The following PKP2 variants were observed in gnomAD, a reference collection of about 807,000 sequenced individuals.
The protein encoded by PKP2 is plakophilin-2.
In PKP2, 73 loss-of-function variants were observed where a neutral mutation model predicts 83.4. That is an observed-to-expected ratio of 0.88 (90% CI 0.72 to 1.06). PKP2 has a LOEUF of 1.06. PKP2 is among the 50% of genes least tolerant of loss of function. The probability of loss-of-function intolerance (pLI) is 0.00; values close to 1 mark genes in which losing one functional copy is unlikely to be tolerated. For synonymous variants in PKP2, 409 were observed against 430.4 expected (o/e 0.95, Z 0.62); for missense variants, 966 against 1,065.4 (o/e 0.91, Z 1.30).
At chr12:32,895,919 C>G (rs373922883) in intron 1 of PKP2, among the ~76,000 whole-genome samples, 1 of 152,202 alleles carries the variant, frequency 6.6e-6, no homozygotes, top group African/African-American at 2.4e-5. Context: ...TGGACCAAAG[C>G]CTCCTAACTA....
At chr12:32,802,622 G>A (rs1956193268) in intron 9 of PKP2, 66 bp from the exon 10 acceptor site, 2 of 1,335,836 alleles carry the variant, frequency 1.5e-6, no homozygotes, top group South Asian at 1.2e-5. Flanking sequence ...TAAGTTTTCT[G>A]TAGATTACCA....
At position 32,878,322 on chromosome 12, in the gene PKP2, G is replaced by A. The variant is rs184522105; in HGVS notation, c.558C>T (p.Ala186=). 18 of 1,610,594 alleles carry A rather than the reference G, an allele frequency of 1.1e-5. No homozygotes were observed. The Admixed American group carries it at 1.7e-4, about 15-fold the overall frequency. The change falls in exon 3 of 13, where the codon GCC becomes GCT. Residue 186 remains alanine, a synonymous_variant. Coordinates refer to ENST00000340811, the MANE Select transcript of PKP2 (RefSeq NM_001005242.3). ...HTLHHQESRR[A]ALLVPPRYAR... ...CATATCTCGGTGGCACTAGGAGGGCGGCCCGCCTGCTTTCTTGGTGGTGCA... is the reference window on the plus strand; with the variant it reads ...CATATCTCGGTGGCACTAGGAGGGCAGCCCGCCTGCTTTCTTGGTGGTGCA...
At chr12:32,808,968 A>T (rs1383772520) in intron 9 of PKP2, among the ~76,000 whole-genome samples, 1 of 152,120 alleles carries the variant, frequency 6.6e-6, no homozygotes, top group Non-Finnish European at 1.5e-5. Flanking sequence ...AGGTTTCTGG[A>T]GACCCTTATT....
intron 9 of PKP2, among the ~76,000 whole-genome samples, chr12:32,805,267 G>A (rs891922736): frequency 4.6e-5 from 7 of 151,942 alleles, no homozygotes; most frequent in African/African-American, 1.7e-4. Context: ...TGTTCACTCT[G>A]ATGATAGTTT....
intron 3 of PKP2, among the ~76,000 whole-genome samples, chr12:32,875,062 T>C (rs151258575): frequency 5.2e-4 from 79 of 152,318 alleles, no homozygotes; most frequent in Middle Eastern, 6.8e-3. Context: ...CATATATTTA[T>C]ACAGTGCCTA....
intron 6 of PKP2, among the ~76,000 whole-genome samples, chr12:32,831,719 C>T (rs1232987355): frequency 6.6e-6 from 1 of 152,108 alleles, no homozygotes; most frequent in Admixed American, 6.5e-5. Flanking sequence ...AGAAGTGTTA[C>T]ATAATTTCTG....
rs1956953434 is a variant in PKP2, at chr12:32,878,301, T to A, written c.579A>T (p.Arg193Ser). Reference sequence around the variant, plus strand: ...CCCCCACGATCTCGGAACGAGCATATCTCGGTGGCACTAGGAGGGCGGCCC... The same window carrying A: ...CCCCCACGATCTCGGAACGAGCATAACTCGGTGGCACTAGGAGGGCGGCCC... ...SRRAALLVPPRYARSEIVGVS... is the reference protein window; with the variant it reads ...SRRAALLVPPSYARSEIVGVS... Residue 193 changes from arginine (R) to serine (S), a missense_variant, in exon 3 of 13, where the codon AGA (arginine) becomes AGT (serine). Physicochemically the swap from Arg to Ser is moderately radical, Grantham distance 110. Coordinates refer to ENST00000340811, the MANE Select transcript of PKP2 (RefSeq NM_001005242.3). 4.3e-6 allele frequency: 7 copies of A among 1,613,290 alleles called. No individual in the cohort carries two copies. The South Asian group carries it at 5.5e-5, about 13-fold the overall frequency.
At chr12:32,869,238 G>A (rs1321047776) in intron 3 of PKP2, among the ~76,000 whole-genome samples, 176 bp from the exon 4 acceptor site, 1 of 151,880 alleles carries the variant, frequency 6.6e-6, no homozygotes, top group Non-Finnish European at 1.5e-5. Context: ...AGGGACTACT[G>A]GATAGAAATT....
intron 6 of PKP2, among the ~76,000 whole-genome samples, chr12:32,838,342 GC>G (rs2137822825): frequency 6.6e-6 from 1 of 152,260 alleles, no homozygotes; most frequent in Admixed American, 6.5e-5. Flanking sequence ...GAGGGACAGA[GC>G]AGGAAAAAGG....
At chr12:32,890,507 G>C (rs918219100) in intron 1 of PKP2, among the ~76,000 whole-genome samples, 1 of 152,130 alleles carries the variant, frequency 6.6e-6, no homozygotes, top group African/African-American at 2.4e-5. Flanking sequence ...AATAGTAATG[G>C]CAGGTTGTGT....
At chr12:32,835,146 C>T (rs11052273) in intron 6 of PKP2, among the ~76,000 whole-genome samples, 85,103 of 150,880 alleles carry the variant, frequency 0.56, 25,544 homozygotes, top group Non-Finnish European at 0.68. Context: ...CTCTGCCTCC[C>T]GGGTTCAAGC....
chr12:32,864,345 C>T (rs1488190111), intron 4 of PKP2, among the ~76,000 whole-genome samples: 3 of 148,500 alleles, frequency 2.0e-5, no homozygotes, highest in Admixed American at 6.7e-5. Context: ...CACATACACA[C>T]GTAAATATAT....
At chr12:32,825,225 G>A (rs1221616488) in intron 6 of PKP2, among the ~76,000 whole-genome samples, 1 of 134,134 alleles carries the variant, frequency 7.5e-6, no homozygotes, top group Admixed American at 8.6e-5. Context: ...CTGGAGTGCA[G>A]TGGCGCGATC....
chr12:32,823,943 C>A lies in PKP2; in HGVS notation c.1674+102G>T. ...AAGGATGAATGGAAGATCTTAGGCT[C>A]AGTAAATGAATCAGTGAATAAACCT... On this transcript the variant is annotated intron_variant, in intron 7 of 12. Coordinates refer to ENST00000340811, the MANE Select transcript of PKP2 (RefSeq NM_001005242.3). 6.3e-6 allele frequency: 5 copies of A among 795,384 alleles called. No individual in the cohort carries two copies. In the South Asian group the frequency reaches 6.8e-5, roughly 11 times the overall value. The allele number at this position is 795,384 out of a possible 1,614,324, so 49.3% of individuals were successfully genotyped here.
In PKP2 at chr12:32,843,140, C is replaced by T. The variant is rs369387986; in HGVS notation, c.1379-1935G>A. On this transcript the variant is annotated intron_variant, in intron 5 of 12. Transcript: ENST00000340811. ...GATTACAGGCGCAGACCACGACACC[C>T]GGCTAATTTTTTTGTATTTTGAGTA... The T allele has an allele frequency of 5.3e-4, 232 of 436,338 alleles. No homozygotes were observed. The highest frequency in any genetic ancestry group is 4.3e-3 in the African/African-American group (212 of 49,692). 27.0% of individuals were successfully genotyped at this position (436,338 alleles called of 1,614,324 possible). A position where few individuals can be genotyped will look rare whatever the true frequency, so the allele number is the denominator to read the frequency against.
intron 1 of PKP2, chr12:32,894,621 C>T (rs771266433): frequency 3.9e-5 from 6 of 152,192 alleles, no homozygotes; most frequent in Admixed American, 2.0e-4. Context: ...ATTCCCTTTT[C>T]TTCTGTTCAT....
chr12:32,835,090 G>A (rs1319282987), intron 6 of PKP2, among the ~76,000 whole-genome samples: 1 of 146,950 alleles, frequency 6.8e-6, no homozygotes, highest in African/African-American at 2.5e-5. Flanking sequence ...GTCTTGCTCT[G>A]TTGCCCGGAC....
chr12:32,856,865 C>T (rs1445487049), intron 4 of PKP2, among the ~76,000 whole-genome samples: 4 of 152,336 alleles, frequency 2.6e-5, no homozygotes, highest in African/African-American at 9.6e-5. Flanking sequence ...GGAGTTATTG[C>T]CTTGTGGCAG....
chr12:32,837,513 A>G lies in PKP2; in HGVS notation c.1556+3515T>C, dbSNP rs140545163. 4.3e-3 allele frequency among the ~76,000 whole-genome samples: 657 copies of G among 152,336 alleles called. 5 individuals are homozygous for G. The highest frequency in any genetic ancestry group is 0.015 in the African/African-American group (624 of 41,580). On this transcript the variant is annotated intron_variant, in intron 6 of 12. Coordinates refer to ENST00000340811, the MANE Select transcript of PKP2 (RefSeq NM_001005242.3). ...TTATTGTTATAAATTAGATATACAG[A>G]TGAAATCGGAATGGACAGTTTAGTA...
Sources: allele counts gnomAD v4.1 joint callset (sites outside exome capture counted in the v4.1 genomes callset), GRCh38; gene constraint gnomAD v4.1.1; transcripts MANE v1.5; gene names NCBI Gene and HGNC (gene_info 2026-07-23, HGNC 2026-07-21).